Variants in KATNAL2 observed in about 807,000 individuals in gnomAD.
The protein encoded by KATNAL2 is katanin catalytic subunit A1 like 2.
KATNAL2 carries 52 observed loss-of-function variants against 76.3 expected under a neutral mutation model. The ratio of observed to expected loss-of-function variants is 0.68; its 90% CI spans 0.55 to 0.86. The LOEUF is 0.86. Ranked by LOEUF, KATNAL2 falls within the 40% of genes least tolerant of loss-of-function variation. The pLI, the probability that KATNAL2 is intolerant of heterozygous loss-of-function variation, is 0.00. For missense variants in KATNAL2, 660 were observed against 668.9 expected, an observed-to-expected ratio of 0.99 and a Z score of 0.15; for synonymous variants, 243 against 244.2, an observed-to-expected ratio of 1.00 and a Z score of 0.05.
chr18:46,918,462 T>G (rs2058265281), intron 1 of KATNAL2, among the ~76,000 whole-genome samples: 1 of 152,168 alleles, frequency 6.6e-6, no homozygotes, highest in African/African-American at 2.4e-5. Flanking sequence ...CCCGCAAGTT[T>G]TGTTTTTTTG....
intron 3 of KATNAL2, among the ~76,000 whole-genome samples, chr18:46,952,393 G>GCT (rs2059584955): frequency 1.6e-5 from 1 of 64,408 alleles, no homozygotes; most frequent in Non-Finnish European, 2.7e-5. Flanking sequence ...CTGCAGGTAT[G>GCT]TTTTTTTTTT....
At chr18:46,955,371 C>A (rs2059713238) in intron 3 of KATNAL2, among the ~76,000 whole-genome samples, 1 of 151,324 alleles carries the variant, frequency 6.6e-6, no homozygotes, top group Admixed American at 6.6e-5. Context: ...CATGCGCCAC[C>A]ACGCCTGGCT....
At chr18:47,033,066 C>T in intron 3 of KATNAL2, 7 of 1,614,154 alleles carry the variant, frequency 4.3e-6, no homozygotes, top group Non-Finnish European at 5.9e-6. Flanking sequence ...GGGCCACTTT[C>T]TTGGCAGCCT....
intron 13 of KATNAL2, 90 bp downstream of exon 13, chr18:47,069,690 T>C: frequency 1.2e-6 from 1 of 826,390 alleles, no homozygotes; most frequent in Non-Finnish European, 1.9e-6. Context: ...TTTTAGGTGA[T>C]TTTATGTGAG....
intron 3 of KATNAL2, among the ~76,000 whole-genome samples, chr18:47,031,393 G>C (rs999151900): frequency 6.6e-6 from 1 of 151,674 alleles, no homozygotes; most frequent in African/African-American, 2.4e-5. Flanking sequence ...TTAATTTCTC[G>C]TGTGACTTTT....
chr18:47,093,769 C>T (rs1019739441), intron 15 of KATNAL2, among the ~76,000 whole-genome samples: 1 of 152,204 alleles, frequency 6.6e-6, no homozygotes, highest in Non-Finnish European at 1.5e-5. Context: ...CCTTGGCCTC[C>T]TAATGCACTG....
intron 11 of KATNAL2, among the ~76,000 whole-genome samples, chr18:47,068,275 C>T (rs2061877711): frequency 6.6e-6 from 1 of 152,112 alleles, no homozygotes; most frequent in African/African-American, 2.4e-5. Flanking sequence ...ATTGAATAAC[C>T]TATTTAGTCT....
In KATNAL2 at chr18:46,929,544, C is replaced by T. The variant is rs183694033; in HGVS notation, c.-510+11618C>T. 7.3e-4 allele frequency among the ~76,000 whole-genome samples: 111 copies of T among 151,876 alleles called. 1 individual carries two copies. Among genetic ancestry groups the T allele is most frequent in the East Asian group, 7.3e-3 (37 of 5,098 alleles). On this transcript the variant is annotated intron_variant, in intron 1 of 17. Coordinates refer to ENST00000683218, the MANE Select transcript of KATNAL2 (RefSeq NM_001387690.1). ...AGGCATGGGCTATCACGCTTGGCCACAATTCATTTCTTTTTATTGCTGAGT... is the reference window on the plus strand; with the variant it reads ...AGGCATGGGCTATCACGCTTGGCCATAATTCATTTCTTTTTATTGCTGAGT...
chr18:46,949,800 T>C lies in KATNAL2; in HGVS notation c.51+2877T>C, dbSNP rs951261777. Among the ~76,000 whole-genome samples, 3 of 152,148 alleles carry C rather than the reference T, an allele frequency of 2.0e-5. 1 individual carries two copies. The East Asian group carries it at 5.8e-4, about 29-fold the overall frequency. ...ATATATTCACATCCACCTCCTGATC[T>C]AAACCTCCATGCCCTGTCACTGGAA... On this transcript the variant is annotated intron_variant, in intron 3 of 17. Coordinates refer to ENST00000683218, the MANE Select transcript of KATNAL2 (RefSeq NM_001387690.1).
chr18:46,933,005 C>T (rs1039869165), intron 1 of KATNAL2, among the ~76,000 whole-genome samples: 125 of 152,020 alleles, frequency 8.2e-4, no homozygotes, highest in African/African-American at 2.8e-3. Context: ...TCAGGTGATC[C>T]GCCCTCCTCG....
At chr18:47,084,458 G>T in intron 15 of KATNAL2, 1 of 697,816 alleles carries the variant, frequency 1.4e-6, no homozygotes. Context: ...CAAGCATTGT[G>T]CAAAAAATGA....
chr18:47,101,132 G>C lies in KATNAL2; in HGVS notation c.*127G>C. On this transcript the variant is annotated 3_prime_UTR_variant, in exon 18 of 18. Coordinates refer to ENST00000683218, the MANE Select transcript of KATNAL2 (RefSeq NM_001387690.1). ...TTATTTTTGAAGACTGGATTAACTT[G>C]AGCCACTGTATTGTTTTGGATAGCT... 2 of 1,055,852 alleles carry C rather than the reference G, an allele frequency of 1.9e-6. No homozygotes were observed. The highest frequency in any genetic ancestry group is 2.7e-6 in the Non-Finnish European group (2 of 730,242). The allele number at this position is 1,055,852 out of a possible 1,614,324, so 65.4% of individuals were successfully genotyped here.
chr18:47,061,226 A>T (rs1599711918), intron 8 of KATNAL2, among the ~76,000 whole-genome samples: 1 of 152,340 alleles, frequency 6.6e-6, no homozygotes, highest in East Asian at 1.9e-4. Context: ...TGAGTAGTTT[A>T]TAAAGAAAAG....
rs545453099 is a variant in KATNAL2, at chr18:47,070,236, A to C, written c.1008+636A>C. 2.4e-3 allele frequency among the ~76,000 whole-genome samples: 369 copies of C among 151,784 alleles called. 2 individuals are homozygous for C. Among genetic ancestry groups the C allele is most frequent in the African/African-American group, 8.4e-3 (348 of 41,392 alleles). On this transcript the variant is annotated intron_variant, in intron 13 of 17. Coordinates refer to ENST00000683218, the MANE Select transcript of KATNAL2 (RefSeq NM_001387690.1). Reference sequence around the variant, plus strand: ...CTCAGCCTCCCGAATAGCTGGGATTACAGGTGCCTGCCACCACGCCCAGCT... The same window carrying C: ...CTCAGCCTCCCGAATAGCTGGGATTCCAGGTGCCTGCCACCACGCCCAGCT...
intron 11 of KATNAL2, among the ~76,000 whole-genome samples, chr18:47,067,836 C>T (rs760708462): frequency 6.6e-6 from 1 of 152,174 alleles, no homozygotes; most frequent in Non-Finnish European, 1.5e-5. Context: ...TGGGCTGGCT[C>T]ATCTCTTTTC....
chr18:47,034,904 T>C (rs569112915), intron 3 of KATNAL2: 20 of 1,612,032 alleles, frequency 1.2e-5, no homozygotes, highest in Non-Finnish European at 1.6e-5. Context: ...TGAGATGGGC[T>C]CCTGGGGGCC....
At chr18:46,921,655 A>G (rs1044326521) in intron 1 of KATNAL2, among the ~76,000 whole-genome samples, 1 of 152,104 alleles carries the variant, frequency 6.6e-6, no homozygotes, top group African/African-American at 2.4e-5. Flanking sequence ...CTAAACAGCT[A>G]AGCTGATTTT....
chr18:47,039,888 A>C (rs1013056384), intron 3 of KATNAL2, among the ~76,000 whole-genome samples: 1 of 152,238 alleles, frequency 6.6e-6, no homozygotes, highest in African/African-American at 2.4e-5. Context: ...CATGTGATGT[A>C]CAGGACACTG....
chr18:46,938,453 A>G (rs1482040327), intron 1 of KATNAL2, among the ~76,000 whole-genome samples: 1 of 152,204 alleles, frequency 6.6e-6, no homozygotes, highest in Non-Finnish European at 1.5e-5. Context: ...GCAAAATGTT[A>G]GGATTTGATA....
Sources: gnomAD v4.1 joint callset for allele counts (sites outside exome capture counted in the v4.1 genomes callset) on GRCh38, gnomAD v4.1.1 for gene constraint, MANE v1.5 for transcripts, NCBI Gene and HGNC (gene_info 2026-07-23, HGNC 2026-07-21) for gene names.